The following TBL1X variants were observed in gnomAD, a reference collection of about 807,000 sequenced individuals.
TBL1X encodes transducin beta like 1 X-linked, also known as F-box-like/WD repeat-containing protein TBL1X.
In TBL1X, 10 loss-of-function variants were observed where a neutral mutation model predicts 50.7. The ratio of observed to expected loss-of-function variants is 0.20; its 90% CI spans 0.12 to 0.33. The LOEUF is 0.33. Ranked by LOEUF, TBL1X falls within the 10% of genes least tolerant of loss-of-function variation. TBL1X has a pLI of 1.00. For synonymous variants in TBL1X, 190 were observed against 214.7 expected (o/e 0.88, Z 1.01); for missense variants, 340 against 504.4 (o/e 0.67, Z 3.12).
intron 5 of TBL1X, among the ~76,000 whole-genome samples, chrX:9,663,170 A>G (rs777250327): frequency 9.0e-6 from 1 of 111,535 alleles, no homozygotes; most frequent in South Asian, 3.8e-4. Flanking sequence ...GGGCTTTTTC[A>G]TAGTCCCATA....
intron 2 of TBL1X, among the ~76,000 whole-genome samples, chrX:9,634,929 C>T (rs1474196187): frequency 9.0e-6 from 1 of 111,714 alleles, no homozygotes; most frequent in African/African-American, 3.3e-5. Context: ...AGGTATGTTT[C>T]CGACCTGCCT....
At chrX:9,652,899 G>C (rs2082844018) in intron 3 of TBL1X, among the ~76,000 whole-genome samples, 3 of 111,306 alleles carry the variant, frequency 2.7e-5, no homozygotes, top group African/African-American at 9.8e-5. Context: ...AGGTGTGGTG[G>C]CTCACGCCCG....
At chrX:9,629,328 C>T (rs181188907) in intron 2 of TBL1X, among the ~76,000 whole-genome samples, 4 of 112,407 alleles carry the variant, frequency 3.6e-5, no homozygotes, top group East Asian at 5.6e-4. Flanking sequence ...TCCAGGTACA[C>T]GTGACTACGA....
intron 3 of TBL1X, among the ~76,000 whole-genome samples, chrX:9,651,872 G>C (rs1208956202): frequency 8.9e-6 from 1 of 112,625 alleles, no homozygotes; most frequent in Non-Finnish European, 1.9e-5. Flanking sequence ...AGTGCAAAGT[G>C]AGAGGTGGAA....
At chrX:9,626,624 C>G (rs904634756) in intron 2 of TBL1X, among the ~76,000 whole-genome samples, 1 of 112,502 alleles carries the variant, frequency 8.9e-6, no homozygotes, top group African/African-American at 3.2e-5. Flanking sequence ...GAAGTGTTTG[C>G]TTTCCCGATG....
intron 3 of TBL1X, 75 bp from the exon 4 acceptor site, chrX:9,653,470 G>A: frequency 4.7e-6 from 3 of 637,478 alleles, no homozygotes; most frequent in South Asian, 3.0e-5. Flanking sequence ...TTAGCCAGAC[G>A]GATGCAGCGG....
At chrX:9,653,339 A>G (rs1036592211) in intron 3 of TBL1X, among the ~76,000 whole-genome samples, 3 of 112,370 alleles carry the variant, frequency 2.7e-5, no homozygotes, top group African/African-American at 9.7e-5. Context: ...TCTTGTGTCT[A>G]ACCGGGTGGT....
intron 12 of TBL1X, among the ~76,000 whole-genome samples, chrX:9,701,709 G>A (rs2083174909): frequency 9.0e-6 from 1 of 111,163 alleles, no homozygotes; most frequent in South Asian, 3.8e-4. Flanking sequence ...TTTAGATGGA[G>A]GAGTCATCAG....
chrX:9,649,048 C>T (rs760601697), intron 3 of TBL1X, among the ~76,000 whole-genome samples: 12 of 111,429 alleles, frequency 1.1e-4, no homozygotes, highest in Non-Finnish European at 1.9e-4. Context: ...TAGAGATAAG[C>T]GCAGCTAAAC....
chrX:9,662,345 C>T (rs1412486210), intron 5 of TBL1X, among the ~76,000 whole-genome samples: 3 of 111,931 alleles, frequency 2.7e-5, no homozygotes, highest in African/African-American at 6.5e-5. Flanking sequence ...ATCAACAGAA[C>T]GTGTCCATCC....
intron 5 of TBL1X, among the ~76,000 whole-genome samples, chrX:9,659,648 C>G (rs1024594290): frequency 9.0e-6 from 1 of 111,711 alleles, no homozygotes; most frequent in African/African-American, 3.3e-5. Flanking sequence ...GTTGCTGGGT[C>G]GTGTGACAAG....
intron 1 of TBL1X, among the ~76,000 whole-genome samples, chrX:9,493,157 G>A (rs1022375863): frequency 9.0e-6 from 1 of 110,836 alleles, no homozygotes; most frequent in Non-Finnish European, 1.9e-5. Context: ...GCTCAATGGA[G>A]GTGATGTTTT....
chrX:9,472,499 C>A (rs756364913), intron 1 of TBL1X, among the ~76,000 whole-genome samples: 1 of 104,747 alleles, frequency 9.5e-6, no homozygotes, highest in Non-Finnish European at 1.9e-5. Context: ...GCTGTGTTGC[C>A]TAGGCTGGTC....
intron 16 of TBL1X, 142 bp downstream of exon 16, chrX:9,711,918 C>T (rs2146660899): frequency 1.7e-6 from 1 of 604,608 alleles, no homozygotes; most frequent in Non-Finnish European, 2.4e-6. Flanking sequence ...GGATGCTGTC[C>T]ACGTGCACCC....
intron 2 of TBL1X, among the ~76,000 whole-genome samples, chrX:9,573,442 G>A (rs1162792021): frequency 4.4e-5 from 5 of 112,411 alleles, no homozygotes; most frequent in Admixed American, 1.9e-4. Flanking sequence ...CACTTTGCAC[G>A]CTGTAGCTAT....
At chrX:9,703,261 G>GCCGCCTCTTCCCCT in intron 12 of TBL1X, among the ~76,000 whole-genome samples, 2 of 108,050 alleles carry the variant, frequency 1.9e-5, no homozygotes, top group African/African-American at 3.3e-5. Flanking sequence ...CACCAGAGAA[G>GCCGCCTCTTCCCCT]GGAAGGGAAG....
intron 8 of TBL1X, 146 bp downstream of exon 8, chrX:9,691,857 T>G: frequency 1.1e-6 from 1 of 877,610 alleles, no homozygotes; most frequent in Middle Eastern, 3.4e-4. Flanking sequence ...GGTGGCTCTA[T>G]GAGCCACTTC....
At chrX:9,625,951 T>G (rs1050549840) in intron 2 of TBL1X, among the ~76,000 whole-genome samples, 8 of 111,733 alleles carry the variant, frequency 7.2e-5, no homozygotes, top group Admixed American at 4.7e-4. Flanking sequence ...TTTTTATTTT[T>G]TATTTTAAGA....
At position 9,702,942 on chromosome X, in the gene TBL1X, G is replaced by A. The variant is rs550032027; in HGVS notation, c.1115-2051G>A. Among the ~76,000 whole-genome samples the A allele has an allele frequency of 2.0e-4, 22 of 111,571 alleles. No homozygotes were observed. In the South Asian group the frequency reaches 7.5e-3, roughly 38 times the overall value. ...GCTTGCATGGGAAGCGCAGGGTTAC[G>A]AGAGGTGGTCAGATGCGGACGACTA... On this transcript the variant is annotated intron_variant, in intron 12 of 17. Coordinates refer to ENST00000645353, the MANE Select transcript of TBL1X (RefSeq NM_005647.4).
Sources: gnomAD v4.1 joint callset for allele counts (sites outside exome capture counted in the v4.1 genomes callset) on GRCh38, gnomAD v4.1.1 for gene constraint, MANE v1.5 for transcripts, NCBI Gene and HGNC (gene_info 2026-07-23, HGNC 2026-07-21) for gene names.